The following CADM2 variants were observed in gnomAD, a reference collection of about 807,000 sequenced individuals.
CADM2 encodes immunoglobulin superfamily member 4D.
A neutral mutation model predicts 49.8 loss-of-function variants in CADM2; 12 were observed. That is an observed-to-expected ratio of 0.24 (90% CI 0.15 to 0.39). CADM2 has a LOEUF of 0.39. Among genes scored for constraint, CADM2 ranks in the 10% least tolerant of loss-of-function variants. CADM2 has a pLI of 1.00. For missense variants in CADM2, 378 were observed against 492.3 expected (o/e 0.77, Z 2.20); for synonymous variants, 214 against 175.4 (o/e 1.22, Z -1.74).
chr3:85,669,098 C>A (rs1382356854), intron 1 of CADM2, among the ~76,000 whole-genome samples: 1 of 152,002 alleles, frequency 6.6e-6, no homozygotes, highest in African/African-American at 2.4e-5. Flanking sequence ...GTTTACTGTA[C>A]CTGTTCCTAC....
At chr3:85,302,878 C>A (rs1178349186) in intron 1 of CADM2, among the ~76,000 whole-genome samples, 1 of 151,904 alleles carries the variant, frequency 6.6e-6, no homozygotes, top group African/African-American at 2.4e-5. Context: ...TGAATATTTT[C>A]ATTTAATAAC....
At chr3:85,650,300 T>C (rs2065006510) in intron 1 of CADM2, among the ~76,000 whole-genome samples, 1 of 152,172 alleles carries the variant, frequency 6.6e-6, no homozygotes, top group African/African-American at 2.4e-5. Flanking sequence ...TGTGAGTAGA[T>C]AAAAGATCTC....
intron 5 of CADM2, among the ~76,000 whole-genome samples, chr3:85,901,879 C>T (rs1255803468): frequency 6.6e-6 from 1 of 151,872 alleles, no homozygotes; most frequent in Non-Finnish European, 1.5e-5. Flanking sequence ...GACATTTCAT[C>T]TACAAAAATA....
At chr3:85,193,368 T>TA (rs5850677) in intron 1 of CADM2, among the ~76,000 whole-genome samples, 85,749 of 151,616 alleles carry the variant, frequency 0.57, 24,462 homozygotes, top group Admixed American at 0.65. Context: ...TAAAAAATCT[T>TA]AAAAAATTTA....
At chr3:85,327,717 T>C (rs912181152) in intron 1 of CADM2, among the ~76,000 whole-genome samples, 4 of 152,156 alleles carry the variant, frequency 2.6e-5, no homozygotes, top group Non-Finnish European at 4.4e-5. Flanking sequence ...TAACTATTCT[T>C]TTCTGTTGAC....
intron 6 of CADM2, among the ~76,000 whole-genome samples, chr3:85,914,066 A>C (rs1717968749): frequency 6.6e-6 from 1 of 152,170 alleles, no homozygotes. Flanking sequence ...TATAAAGCTG[A>C]CTATAATATG....
At chr3:85,275,426 A>C (rs916964927) in intron 1 of CADM2, among the ~76,000 whole-genome samples, 4 of 151,432 alleles carry the variant, frequency 2.6e-5, no homozygotes. Context: ...AAGTGCCCCC[A>C]CCTTCCACAA....
intron 1 of CADM2, among the ~76,000 whole-genome samples, chr3:85,638,659 A>G (rs1002918959): frequency 1.3e-5 from 2 of 152,080 alleles, no homozygotes; most frequent in Non-Finnish European, 1.5e-5. Flanking sequence ...TAAAATTTTA[A>G]AATGCTGTTG....
At chr3:86,039,190 C>T (rs1360022244) in intron 8 of CADM2, among the ~76,000 whole-genome samples, 1 of 151,982 alleles carries the variant, frequency 6.6e-6, no homozygotes, top group East Asian at 1.9e-4. Context: ...GTACTGGGTT[C>T]ATCTCACTTG....
intron 3 of CADM2, among the ~76,000 whole-genome samples, chr3:85,850,580 G>T (rs905715402): frequency 2.6e-5 from 4 of 151,908 alleles, no homozygotes; most frequent in Non-Finnish European, 5.9e-5. Flanking sequence ...CGCCCGCCTC[G>T]GCCTCCCAAA....
intron 1 of CADM2, among the ~76,000 whole-genome samples, chr3:85,561,108 A>T (rs1346732116): frequency 6.6e-6 from 1 of 152,184 alleles, no homozygotes; most frequent in Non-Finnish European, 1.5e-5. Context: ...CTGCTAACAC[A>T]CTGATAGGTT....
intron 1 of CADM2, among the ~76,000 whole-genome samples, chr3:85,005,919 T>C (rs894990043): frequency 1.3e-5 from 2 of 152,118 alleles, no homozygotes; most frequent in Non-Finnish European, 2.9e-5. Flanking sequence ...TCTTTTCTTA[T>C]GGGATTTTAA....
At chr3:85,366,711 T>G (rs1330139359) in intron 1 of CADM2, among the ~76,000 whole-genome samples, 1 of 152,146 alleles carries the variant, frequency 6.6e-6, no homozygotes, top group Non-Finnish European at 1.5e-5. Context: ...AAGAAACAAT[T>G]TTAATATTAA....
At chr3:85,008,560 G>A (rs1559614149) in intron 1 of CADM2, among the ~76,000 whole-genome samples, 1 of 151,730 alleles carries the variant, frequency 6.6e-6, no homozygotes, top group African/African-American at 2.4e-5. Flanking sequence ...AAAAGTGAGG[G>A]AAAAAATATA....
chr3:85,438,699 G>T (rs1478926597), intron 1 of CADM2, among the ~76,000 whole-genome samples: 1 of 151,702 alleles, frequency 6.6e-6, no homozygotes, highest in African/African-American at 2.4e-5. Flanking sequence ...TTGAGACAGG[G>T]TCTCACTCTG....
chr3:85,048,742 G>A (rs1010103082), intron 1 of CADM2, among the ~76,000 whole-genome samples: 9 of 152,122 alleles, frequency 5.9e-5, no homozygotes, highest in Non-Finnish European at 1.0e-4. Flanking sequence ...TAGAAGACAG[G>A]ATGATGAGTT....
In CADM2 at chr3:85,368,439, A is replaced by T. The variant is rs530417288; in HGVS notation, c.62-358083A>T. Among the ~76,000 whole-genome samples, 4 of 151,902 alleles carry T rather than the reference A, an allele frequency of 2.6e-5. No individual in the cohort carries two copies. The East Asian group carries it at 5.8e-4, about 22-fold the overall frequency. On this transcript the variant is annotated intron_variant, in intron 1 of 9. Transcript: ENST00000383699. ...ATTGCAGTCAATTCTTAATTTTTCCATGGTAATAGCATAAGCAGTTGGTAT... is the reference window on the plus strand; with the variant it reads ...ATTGCAGTCAATTCTTAATTTTTCCTTGGTAATAGCATAAGCAGTTGGTAT...
intron 1 of CADM2, among the ~76,000 whole-genome samples, chr3:85,662,401 G>T (rs2065437322): frequency 6.6e-6 from 1 of 151,756 alleles, no homozygotes; most frequent in Non-Finnish European, 1.5e-5. Context: ...TGATATCTTT[G>T]CCTTAAGTAT....
At chr3:86,064,058 T>C (rs1739022429) in intron 8 of CADM2, among the ~76,000 whole-genome samples, 1 of 150,312 alleles carries the variant, frequency 6.7e-6, no homozygotes, top group South Asian at 2.1e-4. Context: ...TATATATATA[T>C]ACATTTTTTT....
Sources: gnomAD v4.1 joint callset for allele counts (sites outside exome capture counted in the v4.1 genomes callset) on GRCh38, gnomAD v4.1.1 for gene constraint, MANE v1.5 for transcripts, NCBI Gene and HGNC (gene_info 2026-07-23, HGNC 2026-07-21) for gene names.